Variants in ABLIM1 observed in about 807,000 individuals in gnomAD.
ABLIM1 encodes actin-binding LIM protein 1.
Under a neutral mutation model 107.0 loss-of-function variants are expected in ABLIM1, and 40 were observed. The observed-to-expected ratio is 0.37, with a 90% CI of 0.29 to 0.49. The LOEUF (loss-of-function observed/expected upper bound fraction) is 0.49, where lower values mean the gene tolerates loss of function less well. Ranked by LOEUF, ABLIM1 falls within the 20% of genes least tolerant of loss-of-function variation. The pLI is 0.97. For missense variants in ABLIM1, 857 were observed against 1,008.5 expected (o/e 0.85, Z 2.04); for synonymous variants, 357 against 357.3 (o/e 1.00, Z 0.01).
upstream of ABLIM1, among the ~76,000 whole-genome samples, chr10:114,662,366 A>C (rs1034407506): frequency 2.6e-5 from 4 of 152,262 alleles, no homozygotes; most frequent in African/African-American, 9.6e-5. Context: ...GAAGGCTGTG[A>C]AAAAGGGGTG....
intron 1 of ABLIM1, among the ~76,000 whole-genome samples, chr10:114,675,332 A>G (rs1383888077): frequency 2.0e-5 from 3 of 152,258 alleles, no homozygotes; most frequent in South Asian, 4.2e-4. Context: ...ACCCAGTGGG[A>G]GGTAACTGAA....
chr10:114,561,220 C>T (rs1278774383), intron 4 of ABLIM1, among the ~76,000 whole-genome samples: 1 of 152,174 alleles, frequency 6.6e-6, no homozygotes, highest in Non-Finnish European at 1.5e-5. Context: ...TTGAGTTCTA[C>T]GTCAGCTTCT....
chr10:114,798,427 A>G, the ABLIM1 span, among the ~76,000 whole-genome samples: 1 of 151,188 alleles, frequency 6.6e-6, no homozygotes, highest in East Asian at 2.0e-4. Context: ...CTGTTTTAAA[A>G]AAAAAAACAA....
chr10:114,704,288 C>A (rs2081365325), intron 1 of ABLIM1, among the ~76,000 whole-genome samples: 1 of 26,256 alleles, frequency 3.8e-5, no homozygotes, highest in Non-Finnish European at 8.5e-5. Flanking sequence ...CTCTCTCTCT[C>A]TCTCTCTCTC....
chr10:114,534,936 C>T (rs1470004912), intron 6 of ABLIM1, among the ~76,000 whole-genome samples: 1 of 152,148 alleles, frequency 6.6e-6, no homozygotes, highest in African/African-American at 2.4e-5. Flanking sequence ...CTGCTGGTGC[C>T]CTGGCACAAC....
chr10:114,444,186 T>C (rs2060675602), intron 16 of ABLIM1, 52 bp from the exon 17 acceptor site: 1 of 1,451,778 alleles, frequency 6.9e-7, no homozygotes. Flanking sequence ...AAGCTTGCAA[T>C]TACTTTCATG....
the ABLIM1 span, among the ~76,000 whole-genome samples, chr10:114,798,558 C>CA: frequency 1.5e-5 from 2 of 135,522 alleles, no homozygotes; most frequent in East Asian, 4.0e-4. Context: ...ATGATGAGAC[C>CA]CCCCCCCCAT....
chr10:114,612,510 C>A (rs1163623058), intron 1 of ABLIM1, among the ~76,000 whole-genome samples: 2 of 152,238 alleles, frequency 1.3e-5, no homozygotes, highest in Non-Finnish European at 2.9e-5. Context: ...CAGCCTGGCA[C>A]ACAGATGCCC....
chr10:114,728,630 T>C (rs1400341825), intron 1 of ABLIM1, among the ~76,000 whole-genome samples: 1 of 148,022 alleles, frequency 6.8e-6, no homozygotes. Flanking sequence ...AAGCAAGCTG[T>C]GGATGCTTTT....
At chr10:114,617,464 C>T (rs962675989) in intron 1 of ABLIM1, among the ~76,000 whole-genome samples, 7 of 151,412 alleles carry the variant, frequency 4.6e-5, no homozygotes, top group African/African-American at 9.7e-5. Context: ...GATGGGGTTT[C>T]GCCACATTGG....
intron 1 of ABLIM1, 70 bp downstream of exon 1, chr10:114,657,887 G>A: frequency 7.8e-7 from 1 of 1,281,698 alleles, no homozygotes; most frequent in South Asian, 1.3e-5. Flanking sequence ...AGAATGATCT[G>A]GATAGTACTC....
chr10:114,776,649 C>T, the ABLIM1 span, among the ~76,000 whole-genome samples: 6 of 152,086 alleles, frequency 3.9e-5, no homozygotes, highest in African/African-American at 7.2e-5. Context: ...AATACAGTCA[C>T]GTTCTCCCTC....
chr10:114,535,484 T>C (rs1388372144), intron 6 of ABLIM1, among the ~76,000 whole-genome samples: 3 of 152,190 alleles, frequency 2.0e-5, no homozygotes, highest in Non-Finnish European at 4.4e-5. Context: ...CTAATTTTTG[T>C]ACTTTTAGTA....
intron 4 of ABLIM1, among the ~76,000 whole-genome samples, chr10:114,562,420 T>G (rs547916997): frequency 6.6e-6 from 1 of 152,030 alleles, no homozygotes; most frequent in Admixed American, 6.6e-5. Flanking sequence ...TCCCAGCTAC[T>G]CGGGAGGCTG....
intron 1 of ABLIM1, among the ~76,000 whole-genome samples, chr10:114,696,480 G>A (rs747749680): frequency 6.6e-6 from 1 of 152,128 alleles, no homozygotes; most frequent in Non-Finnish European, 1.5e-5. Flanking sequence ...GTTTGGCTGT[G>A]TTCCCACCCA....
chr10:114,531,768 G>A (rs541922139), intron 6 of ABLIM1, among the ~76,000 whole-genome samples: 63 of 151,764 alleles, frequency 4.2e-4, no homozygotes, highest in African/African-American at 1.5e-3. Flanking sequence ...TGCCTGCCTC[G>A]GCCTCCCAAA....
chr10:114,795,979 A>C, the ABLIM1 span, among the ~76,000 whole-genome samples: 1 of 152,118 alleles, frequency 6.6e-6, no homozygotes, highest in Non-Finnish European at 1.5e-5. Context: ...TCAGGTAGTT[A>C]TTACCACCTC....
At chr10:114,652,768 C>T (rs1284734649) in intron 1 of ABLIM1, among the ~76,000 whole-genome samples, 1 of 152,090 alleles carries the variant, frequency 6.6e-6, no homozygotes, top group Non-Finnish European at 1.5e-5. Context: ...TATGTTCTTT[C>T]GTTTGTATGA....
Position 114,690,532 on chromosome 10 carries a change from G to A in ABLIM1, c.-213+77529C>T, listed in dbSNP as rs776129771. The A allele has an allele frequency of 4.5e-5, 61 of 1,364,704 alleles. 1 individual carries two copies. The highest frequency in any genetic ancestry group is 2.6e-4 in the South Asian group (22 of 86,020). 84.5% of individuals were successfully genotyped at this position (1,364,704 alleles called of 1,614,324 possible). On this transcript the variant is annotated intron_variant, in intron 1 of 15. Coordinates refer to the ABLIM1 transcript ENST00000651092. ...CCTTTCTCTCCCATGCCCAGAACAC[G>A]AAGGTTTTCTGCTGTCTTTGGAAAC...
Sources: gnomAD v4.1 joint callset for allele counts (sites outside exome capture counted in the v4.1 genomes callset) on GRCh38, gnomAD v4.1.1 for gene constraint, MANE v1.5 for transcripts, NCBI Gene and HGNC (gene_info 2026-07-23, HGNC 2026-07-21) for gene names.